RFX3: variants seen among roughly 807,000 people sequenced by gnomAD.
The protein encoded by RFX3 is transcription factor RFX3.
In RFX3, 14 loss-of-function variants were observed where a neutral mutation model predicts 98.6. The ratio of observed to expected loss-of-function variants is 0.14; its 90% CI spans 0.09 to 0.22. RFX3 has a LOEUF of 0.22. RFX3 is among the 10% of genes least tolerant of loss of function. RFX3 has a pLI of 1.00. For missense variants in RFX3, 639 were observed against 926.9 expected (o/e 0.69, Z 4.03); for synonymous variants, 383 against 328.4 (o/e 1.17, Z -1.80).
At chr9:3,457,303 G>C (rs971768124) in intron 1 of RFX3, among the ~76,000 whole-genome samples, 8 of 151,766 alleles carry the variant, frequency 5.3e-5, no homozygotes, top group Admixed American at 5.3e-4. Context: ...TCTGTTACTG[G>C]CCATAATGGT....
chr9:3,256,607 G>C (rs915097978), intron 14 of RFX3, among the ~76,000 whole-genome samples: 2 of 152,266 alleles, frequency 1.3e-5, no homozygotes, highest in African/African-American at 4.8e-5. Context: ...TCACTAAACA[G>C]AGAACAAAAA....
At chr9:3,506,182 G>A (rs1308169168) in intron 1 of RFX3, among the ~76,000 whole-genome samples, 1 of 150,320 alleles carries the variant, frequency 6.7e-6, no homozygotes, top group Non-Finnish European at 1.5e-5. Flanking sequence ...AATGAGGGCT[G>A]GATAGATTTA....
chr9:3,330,115 C>A (rs1587105385), intron 4 of RFX3, 144 bp downstream of exon 4: 14 of 793,284 alleles, frequency 1.8e-5, no homozygotes, highest in Non-Finnish European at 2.8e-5. Context: ...ACATATACTA[C>A]ATTCTGCAAA....
At chr9:3,475,097 C>CG (rs1849113205) in intron 1 of RFX3, among the ~76,000 whole-genome samples, 2 of 127,036 alleles carry the variant, frequency 1.6e-5, no homozygotes, top group Middle Eastern at 3.8e-3. Flanking sequence ...AAGACCCTGT[C>CG]TCCAAAAAAA....
intron 5 of RFX3, among the ~76,000 whole-genome samples, chr9:3,300,191 G>A (rs968640082): frequency 1.3e-5 from 2 of 151,390 alleles, no homozygotes; most frequent in African/African-American, 4.8e-5. Context: ...ATATACTTAC[G>A]AAACATAAAA....
chr9:3,510,043 T>A (rs1432610014), intron 1 of RFX3, among the ~76,000 whole-genome samples: 1 of 152,034 alleles, frequency 6.6e-6, no homozygotes, highest in African/African-American at 2.4e-5. Flanking sequence ...AAATCCTGTA[T>A]ATTTGGGCCA....
chr9:3,298,463 T>C (rs184895263), intron 5 of RFX3, among the ~76,000 whole-genome samples: 177 of 152,018 alleles, frequency 1.2e-3, no homozygotes, highest in South Asian at 5.4e-3. Context: ...TGATCCCTTC[T>C]ATTGTTTCTT....
At chr9:3,361,576 C>A (rs1563985672) in intron 2 of RFX3, among the ~76,000 whole-genome samples, 2 of 149,282 alleles carry the variant, frequency 1.3e-5, no homozygotes, top group African/African-American at 4.9e-5. Flanking sequence ...CATTCCAACA[C>A]TTTGGGAGGC....
chr9:3,221,891 G>A lies in RFX3; in HGVS notation c.*3151C>T, dbSNP rs184762164. The A allele has an allele frequency of 1.3e-5, 2 of 152,254 alleles. No individual in the cohort carries two copies. Among genetic ancestry groups the A allele is most frequent in the Admixed American group, 6.5e-5 (1 of 15,288 alleles). 9.4% of individuals were successfully genotyped at this position (152,254 alleles called of 1,614,324 possible). A position where few individuals can be genotyped will look rare whatever the true frequency, so the allele number is the denominator to read the frequency against. ...ACTGAAAGTGTAGGACTTGGTTTAT[G>A]TAGGTATATTTCATGACTAGTGATT... On this transcript the variant is annotated 3_prime_UTR_variant, in exon 17 of 17. Transcript: ENST00000617270.
chr9:3,274,857 T>C (rs1441097643), intron 9 of RFX3, among the ~76,000 whole-genome samples: 1 of 151,954 alleles, frequency 6.6e-6, no homozygotes, highest in Non-Finnish European at 1.5e-5. Flanking sequence ...TATCCATATA[T>C]AGATATGTAT....
rs575351986 is a variant in RFX3 at position 3,291,278 on chromosome 9, G to C, written c.731+1799C>G. Among the ~76,000 whole-genome samples the C allele has an allele frequency of 8.5e-5, 13 of 152,288 alleles. No homozygotes were observed. In the East Asian group the frequency reaches 1.5e-3, roughly 18 times the overall value. ...CCGGGTTACTCGGGAGGCTGAGGCA[G>C]GAAGAATCACTTGAACCCGGGGGGC... On this transcript the variant is annotated intron_variant, in intron 6 of 16. Transcript: ENST00000617270.
At chr9:3,467,116 A>T (rs1273921782) in intron 1 of RFX3, among the ~76,000 whole-genome samples, 2 of 139,538 alleles carry the variant, frequency 1.4e-5, no homozygotes, top group South Asian at 2.1e-4. Flanking sequence ...ATGTATATAC[A>T]TACATATATG....
chr9:3,518,374 T>A (rs1818381663), intron 1 of RFX3, among the ~76,000 whole-genome samples: 1 of 152,182 alleles, frequency 6.6e-6, no homozygotes, highest in Non-Finnish European at 1.5e-5. Flanking sequence ...TCAGTCTAAT[T>A]GATATGTTGG....
intron 2 of RFX3, among the ~76,000 whole-genome samples, chr9:3,367,610 T>G (rs1443167644): frequency 6.6e-6 from 1 of 152,314 alleles, no homozygotes; most frequent in African/African-American, 2.4e-5. Flanking sequence ...AAGGAATTGT[T>G]ACCAACATTT....
At chr9:3,233,147 C>T (rs1586666237) in intron 15 of RFX3, among the ~76,000 whole-genome samples, 1 of 152,208 alleles carries the variant, frequency 6.6e-6, no homozygotes, top group African/African-American at 2.4e-5. Flanking sequence ...CTGGGAAATG[C>T]ATGCTCCAGG....
chr9:3,376,657 A>G (rs1021798723), intron 2 of RFX3, among the ~76,000 whole-genome samples: 1 of 152,164 alleles, frequency 6.6e-6, no homozygotes, highest in African/African-American at 2.4e-5. Flanking sequence ...TGAACACGCA[A>G]CCTACAGAAT....
At chr9:3,445,701 G>A (rs1488136120) in intron 1 of RFX3, among the ~76,000 whole-genome samples, 1 of 152,016 alleles carries the variant, frequency 6.6e-6, no homozygotes, top group Non-Finnish European at 1.5e-5. Context: ...TTCCTTAGAG[G>A]CAAAGTGTAA....
In RFX3 at chr9:3,271,549, C is replaced by T. The variant is rs572240295; in HGVS notation, c.1087-431G>A. 2.3e-4 allele frequency among the ~76,000 whole-genome samples: 31 copies of T among 132,644 alleles called. No homozygotes were observed. In the South Asian group the frequency reaches 7.4e-3, roughly 32 times the overall value. The allele number at this position is 132,644 out of a possible 152,430, so 87.0% of individuals were successfully genotyped here. A position where few individuals can be genotyped will look rare whatever the true frequency, so the allele number is the denominator to read the frequency against. On this transcript the variant is annotated intron_variant, in intron 9 of 16. Coordinates refer to ENST00000617270, the MANE Select transcript of RFX3 (RefSeq NM_001282116.2). ...TCTTTCTTTCTCTCTTTCTCTTTCT[C>T]TCTTTCTCTCTCTCTTTCTTTCTTT...
At chr9:3,327,004 C>G (rs747789942) in intron 4 of RFX3, among the ~76,000 whole-genome samples, 1 of 151,972 alleles carries the variant, frequency 6.6e-6, no homozygotes, top group African/African-American at 2.4e-5. Context: ...GGTTATATGT[C>G]GAACACTAAA....
Sources: gnomAD v4.1 joint callset for allele counts (sites outside exome capture counted in the v4.1 genomes callset) on GRCh38, gnomAD v4.1.1 for gene constraint, MANE v1.5 for transcripts, NCBI Gene and HGNC (gene_info 2026-07-23, HGNC 2026-07-21) for gene names.